Variants in ITGA9 observed in about 807,000 individuals in gnomAD.
ITGA9 encodes the protein integrin subunit alpha 9.
In ITGA9, 56 loss-of-function variants were observed where a neutral mutation model predicts 127.8. The observed-to-expected ratio is 0.44, with a 90% CI of 0.35 to 0.55. The LOEUF (loss-of-function observed/expected upper bound fraction) is 0.55. ITGA9 is among the 20% of genes least tolerant of loss of function. The pLI is 0.00. For missense variants in ITGA9, 1,196 were observed against 1,347.1 expected, an observed-to-expected ratio of 0.89 and a Z score of 1.76; for synonymous variants, 508 against 514.5, an observed-to-expected ratio of 0.99 and a Z score of 0.17.
chr3:37,493,066 G>A lies in ITGA9; in HGVS notation c.545-1435G>A, dbSNP rs867297900. Reference sequence around the variant, plus strand: ...TCTAGCAGTTGTCCTTATAATAACCGGACAAGGCGGGAGAACTGATTTTAT... The same window carrying A: ...TCTAGCAGTTGTCCTTATAATAACCAGACAAGGCGGGAGAACTGATTTTAT... On this transcript the variant is annotated intron_variant, in intron 4 of 27. Transcript: ENST00000264741. 2.9e-5 allele frequency among the ~76,000 whole-genome samples: 4 copies of A among 139,272 alleles called. No individual in the cohort carries two copies. In the East Asian group the frequency reaches 6.3e-4, roughly 22 times the overall value. The allele number at this position is 139,272 out of a possible 152,430, so 91.4% of individuals were successfully genotyped here.
At chr3:37,499,638 A>G (rs546264860) in intron 5 of ITGA9, among the ~76,000 whole-genome samples, 1 of 152,258 alleles carries the variant, frequency 6.6e-6, no homozygotes, top group East Asian at 1.9e-4. Flanking sequence ...CAGAAAAAAC[A>G]ACTATGAGGG....
At chr3:37,601,813 A>C (rs1699925164) in intron 15 of ITGA9, among the ~76,000 whole-genome samples, 1 of 152,162 alleles carries the variant, frequency 6.6e-6, no homozygotes, top group African/African-American at 2.4e-5. Flanking sequence ...AGGCTGGGTA[A>C]TTTATAAAGA....
intron 1 of ITGA9, among the ~76,000 whole-genome samples, chr3:37,456,394 C>T (rs577025646): frequency 1.1e-4 from 16 of 152,272 alleles, no homozygotes; most frequent in Middle Eastern, 3.4e-3. Context: ...TGGACAAAGC[C>T]GATTTCTGTC....
intron 4 of ITGA9, among the ~76,000 whole-genome samples, chr3:37,484,806 C>T (rs1388172439): frequency 1.3e-5 from 2 of 152,118 alleles, no homozygotes; most frequent in Admixed American, 6.5e-5. Flanking sequence ...TGTGCCTAAC[C>T]AACCTCAAGG....
intron 17 of ITGA9, among the ~76,000 whole-genome samples, chr3:37,677,622 G>A (rs917437959): frequency 1.3e-5 from 2 of 152,106 alleles, no homozygotes; most frequent in Non-Finnish European, 2.9e-5. Context: ...ATTTTTATAT[G>A]CTTTAGGAGC....
At chr3:37,456,162 A>G (rs1191666935) in intron 1 of ITGA9, among the ~76,000 whole-genome samples, 1 of 152,184 alleles carries the variant, frequency 6.6e-6, no homozygotes, top group Non-Finnish European at 1.5e-5. Context: ...TGCTCTGGGC[A>G]GTGAGAACTG....
intron 18 of ITGA9, among the ~76,000 whole-genome samples, chr3:37,704,269 T>A (rs1700979375): frequency 1.3e-5 from 2 of 152,184 alleles, no homozygotes; most frequent in African/African-American, 4.8e-5. Context: ...CCAAGGATTC[T>A]GGCACACAGA....
At chr3:37,575,608 G>A (rs1699646282) in intron 15 of ITGA9, among the ~76,000 whole-genome samples, 1 of 152,116 alleles carries the variant, frequency 6.6e-6, no homozygotes, top group South Asian at 2.1e-4. Context: ...GGTGTTATAA[G>A]CAGAGAGCAC....
chr3:37,620,106 G>A (rs1700113707), intron 15 of ITGA9, among the ~76,000 whole-genome samples: 1 of 151,946 alleles, frequency 6.6e-6, no homozygotes, highest in Non-Finnish European at 1.5e-5. Flanking sequence ...AACATCACAG[G>A]AGTGAGAACC....
intron 23 of ITGA9, among the ~76,000 whole-genome samples, chr3:37,769,844 T>C (rs1696822199): frequency 1.3e-5 from 2 of 152,170 alleles, no homozygotes; most frequent in African/African-American, 2.4e-5. Context: ...CATTAGGAGC[T>C]GTGCTCTGAG....
intron 16 of ITGA9, among the ~76,000 whole-genome samples, chr3:37,633,134 A>G (rs930414317): frequency 2.0e-5 from 3 of 152,246 alleles, no homozygotes; most frequent in Non-Finnish European, 4.4e-5. Flanking sequence ...GAGGAGATCA[A>G]TTAACTTCCA....
chr3:37,620,438 C>A (rs1700117171), intron 15 of ITGA9, among the ~76,000 whole-genome samples: 1 of 152,148 alleles, frequency 6.6e-6, no homozygotes, highest in African/African-American at 2.4e-5. Flanking sequence ...GTAGGGGCAA[C>A]TGGCTTTTTT....
chr3:37,658,316 G>A (rs1048072783), intron 17 of ITGA9, among the ~76,000 whole-genome samples: 2 of 152,182 alleles, frequency 1.3e-5, no homozygotes, highest in African/African-American at 4.8e-5. Context: ...TTGTGTGGGA[G>A]TCTAAGTCTC....
At chr3:37,783,850 T>G (rs1280255544) in intron 25 of ITGA9, among the ~76,000 whole-genome samples, 1 of 152,212 alleles carries the variant, frequency 6.6e-6, no homozygotes, top group Admixed American at 6.5e-5. Flanking sequence ...AGAATGATAA[T>G]TGGTGCATAA....
intron 8 of ITGA9, among the ~76,000 whole-genome samples, chr3:37,513,055 A>C (rs1698948834): frequency 6.6e-6 from 1 of 152,218 alleles, no homozygotes; most frequent in Non-Finnish European, 1.5e-5. Context: ...TCACCTGTGC[A>C]TAGGACCAGG....
chr3:37,488,244 G>A (rs911591943), intron 4 of ITGA9, among the ~76,000 whole-genome samples: 2 of 152,124 alleles, frequency 1.3e-5, no homozygotes, highest in East Asian at 3.9e-4. Flanking sequence ...GAGTCTTTTA[G>A]CTTTGGTCCC....
At chr3:37,590,761 C>T (rs1699807287) in intron 15 of ITGA9, among the ~76,000 whole-genome samples, 1 of 152,160 alleles carries the variant, frequency 6.6e-6, no homozygotes, top group Non-Finnish European at 1.5e-5. Context: ...GCATGCTTTA[C>T]CCCTGGCTCC....
intron 20 of ITGA9, among the ~76,000 whole-genome samples, chr3:37,740,505 C>G (rs906865485): frequency 6.6e-6 from 1 of 152,178 alleles, no homozygotes; most frequent in Non-Finnish European, 1.5e-5. Context: ...TCTTCCTTCT[C>G]GCTCCCAAAT....
At chr3:37,494,382 CT>C (rs931950559) in intron 4 of ITGA9, 118 bp from the exon 5 acceptor site, 5 of 751,478 alleles carry the variant, frequency 6.7e-6, no homozygotes, top group African/African-American at 1.7e-5. Context: ...GATGGCATCC[CT>C]GGGCCCAGCC....
Sources: allele counts gnomAD v4.1 joint callset (sites outside exome capture counted in the v4.1 genomes callset), GRCh38; gene constraint gnomAD v4.1.1; transcripts MANE v1.5; gene names NCBI Gene and HGNC (gene_info 2026-07-23, HGNC 2026-07-21).